The following NCKAP1 variants were observed in gnomAD, a reference collection of about 807,000 sequenced individuals.
NCKAP1 encodes nck-associated protein 1.
NCKAP1 carries 21 observed loss-of-function variants against 151.2 expected under a neutral mutation model. The ratio of observed to expected loss-of-function variants is 0.14; its 90% CI spans 0.10 to 0.20. The LOEUF (loss-of-function observed/expected upper bound fraction) is 0.20, where lower values mean the gene tolerates loss of function less well. Among genes scored for constraint, NCKAP1 ranks in the 10% least tolerant of loss-of-function variants. The pLI, the probability that NCKAP1 is intolerant of heterozygous loss-of-function variation, is 1.00. For synonymous variants in NCKAP1, 484 were observed against 451.8 expected, an observed-to-expected ratio of 1.07 and a Z score of -0.90; for missense variants, 933 against 1,352.1, an observed-to-expected ratio of 0.69 and a Z score of 4.86.
intron 24 of NCKAP1, among the ~76,000 whole-genome samples, chr2:182,935,656 T>C (rs1437808068): frequency 1.3e-5 from 2 of 151,746 alleles, no homozygotes; most frequent in African/African-American, 4.8e-5. Flanking sequence ...CTATAAATTA[T>C]ATTTATAATA....
rs1392732942 is a variant in NCKAP1, at chr2:182,923,325, T to C, written c.*2377A>G. 1 of 151,894 alleles carries C rather than the reference T, an allele frequency of 6.6e-6. No individual in the cohort carries two copies. The highest frequency in any genetic ancestry group is 1.5e-5 in the Non-Finnish European group (1 of 68,002). 9.4% of individuals were successfully genotyped at this position (151,894 alleles called of 1,614,324 possible). Reference sequence around the variant, plus strand: ...TCTCATTCTGTCATCCAGGCTGGAGTGCAGTGGTGTGATCTCAGCTCACAG... The same window carrying C: ...TCTCATTCTGTCATCCAGGCTGGAGCGCAGTGGTGTGATCTCAGCTCACAG... On this transcript the variant is annotated 3_prime_UTR_variant, in exon 31 of 31. Coordinates refer to ENST00000361354, the MANE Select transcript of NCKAP1 (RefSeq NM_013436.5).
chr2:182,957,181 C>T (rs989919945), intron 19 of NCKAP1: 9 of 269,094 alleles, frequency 3.3e-5, no homozygotes, highest in African/African-American at 2.0e-4. Context: ...TATAATGTAA[C>T]ACACAAAATT....
At position 182,964,762 on chromosome 2, in the gene NCKAP1, A is replaced by C; in HGVS notation, c.1675T>G (p.Leu559Val). 1.2e-6 allele frequency: 2 copies of C among 1,609,922 alleles called. No homozygotes were observed. The highest frequency in any genetic ancestry group is 1.7e-6 in the Non-Finnish European group (2 of 1,177,756). ...FEKMFQQCLE[L>V]PSQSRYSIAF... Reference sequence around the variant, plus strand: ...ATTGAGTATCTTGATTGAGAGGGTAACTCCAAACACTGTTGAAACATCTTC... The same window carrying C: ...ATTGAGTATCTTGATTGAGAGGGTACCTCCAAACACTGTTGAAACATCTTC... The change falls in exon 17 of 31, where the codon TTA (leucine) becomes GTA (valine). Residue 559 changes from leucine (L) to valine (V), a missense_variant. Physicochemically the swap from Leu to Val is conservative, Grantham distance 32. Transcript: ENST00000361354.
intron 6 of NCKAP1, among the ~76,000 whole-genome samples, chr2:182,999,037 A>G (rs900106498): frequency 1.3e-5 from 2 of 152,168 alleles, no homozygotes; most frequent in Non-Finnish European, 2.9e-5. Flanking sequence ...TTCTACGCTC[A>G]TGGGATGGAG....
At chr2:182,956,197 C>T (rs1467884730) in intron 20 of NCKAP1, among the ~76,000 whole-genome samples, 3 of 152,120 alleles carry the variant, frequency 2.0e-5, no homozygotes, top group African/African-American at 7.2e-5. Context: ...CCCACCACCA[C>T]GCCCAGCTAA....
chr2:182,951,595 C>T (rs1305439983), intron 23 of NCKAP1, among the ~76,000 whole-genome samples: 1 of 144,078 alleles, frequency 6.9e-6, no homozygotes, highest in Non-Finnish European at 1.5e-5. Context: ...TGAGATTGTG[C>T]CACTGTACTG....
At chr2:182,978,947 C>G (rs369703665) in intron 13 of NCKAP1, 32 bp from the exon 14 acceptor site, 28 of 1,504,056 alleles carry the variant, frequency 1.9e-5, no homozygotes, top group Admixed American at 5.1e-5. Context: ...ACGTTAAAAA[C>G]ATCTATAGTT....
chr2:182,995,486 A>G (rs1359633545), intron 7 of NCKAP1, among the ~76,000 whole-genome samples: 1 of 152,206 alleles, frequency 6.6e-6, no homozygotes, highest in Non-Finnish European at 1.5e-5. Flanking sequence ...AGAAAAAAGT[A>G]CTCATACTAT....
At chr2:183,031,585 A>T (rs1171185984) in intron 1 of NCKAP1, among the ~76,000 whole-genome samples, 2 of 151,986 alleles carry the variant, frequency 1.3e-5, no homozygotes, top group African/African-American at 4.8e-5. Flanking sequence ...GTGGGGGGGA[A>T]TGAACATTTA....
intron 22 of NCKAP1, 71 bp downstream of exon 22, chr2:182,952,722 T>TAAAGAATC (rs1180105692): frequency 6.3e-6 from 9 of 1,434,120 alleles, no homozygotes; most frequent in Non-Finnish European, 8.4e-6. Flanking sequence ...ATCAAAAGTC[T>TAAAGAATC]AAAGAATCAA....
chr2:183,008,013 T>A (rs920281933), intron 2 of NCKAP1, among the ~76,000 whole-genome samples: 7 of 152,068 alleles, frequency 4.6e-5, no homozygotes, highest in African/African-American at 7.2e-5. Flanking sequence ...TGCAACCTCC[T>A]GTTACCAGGT....
At position 182,928,156 on chromosome 2, in the gene NCKAP1, G is replaced by T. The variant is rs751991019; in HGVS notation, c.3141C>A (p.His1047Gln). ...NQIAAALFTI[H>Q]KGSIEDRLKE... The stretch of plus-strand genomic sequence containing the variant: ...TAAGACGGTCTTCAATGCTTCCTTT[G>T]TGAATTGTAAACAAAGCTGCAGCAA... The change falls in exon 29 of 31, where the codon CAC becomes CAA. Residue 1047 changes from histidine to glutamine, a missense_variant. This residue lies in a region of NCKAP1 where 326 missense variants were observed against 557.1 expected (regional missense o/e 0.59). Coordinates refer to ENST00000361354, the MANE Select transcript of NCKAP1 (RefSeq NM_013436.5). The T allele has an allele frequency of 6.2e-7, 1 of 1,612,230 alleles. No individual in the cohort carries two copies. Among genetic ancestry groups the T allele is most frequent in the East Asian group, 2.2e-5 (1 of 44,828 alleles).
chr2:182,942,222 G>C (rs891434004), intron 23 of NCKAP1, 59 bp from the exon 24 acceptor site: 1 of 1,297,688 alleles, frequency 7.7e-7, no homozygotes, highest in Middle Eastern at 2.0e-4. Flanking sequence ...AATGAGATAA[G>C]AGCATGCTTG....
chr2:183,009,481 A>AGCAAGCAGGCAG (rs1553517576), intron 2 of NCKAP1, among the ~76,000 whole-genome samples: 1 of 148,396 alleles, frequency 6.7e-6, no homozygotes, highest in African/African-American at 2.6e-5. Flanking sequence ...GAAGGAAGCA[A>AGCAAGCAGGCAG]GCAAGCAAGC....
chr2:182,986,266 A>T (rs1698054641), intron 9 of NCKAP1, 39 bp from the exon 10 acceptor site: 2 of 1,496,124 alleles, frequency 1.3e-6, no homozygotes, highest in Non-Finnish European at 1.9e-6. Flanking sequence ...GTTTAATTTG[A>T]TCAATAACTG....
intron 10 of NCKAP1, among the ~76,000 whole-genome samples, chr2:182,984,423 GGT>G (rs4018678): frequency 0.17 from 25,177 of 144,274 alleles, 2,390 homozygotes; most frequent in Middle Eastern, 0.29. Flanking sequence ...TTTAGATTGG[GGT>G]GTGTGTGTGT....
At position 182,925,114 on chromosome 2, in the gene NCKAP1, G is replaced by A. The variant is rs1405627174; in HGVS notation, c.*588C>T. The A allele has an allele frequency of 6.6e-6, 1 of 152,110 alleles. No individual in the cohort carries two copies. The highest frequency in any genetic ancestry group is 2.4e-5 in the African/African-American group (1 of 41,444). 9.4% of individuals were successfully genotyped at this position (152,110 alleles called of 1,614,324 possible). On this transcript the variant is annotated 3_prime_UTR_variant, in exon 31 of 31. Coordinates refer to ENST00000361354, the MANE Select transcript of NCKAP1 (RefSeq NM_013436.5). ...AGGCTTTATACAAGCAACAACATAT[G>A]CTGCTGCTCTTAGAATTTTGGGAAA...
chr2:182,930,933 C>G (rs572014482), intron 26 of NCKAP1, 145 bp from the exon 27 acceptor site: 2 of 647,208 alleles, frequency 3.1e-6, no homozygotes, highest in East Asian at 5.5e-5. Flanking sequence ...ACTAAGTATA[C>G]TGAACAACTG....
chr2:182,953,998 A>G (rs1034132231), intron 20 of NCKAP1, among the ~76,000 whole-genome samples: 6 of 152,192 alleles, frequency 3.9e-5, no homozygotes, highest in Admixed American at 1.3e-4. Flanking sequence ...GTTAGGTGCC[A>G]GTAGTTTTTG....
Sources: allele counts gnomAD v4.1 joint callset (sites outside exome capture counted in the v4.1 genomes callset), GRCh38; gene constraint gnomAD v4.1.1; regional missense constraint gnomAD v4.1.1; transcripts MANE v1.5; gene names NCBI Gene and HGNC (gene_info 2026-07-23, HGNC 2026-07-21).